The following JAZF1 variants were observed in gnomAD, a reference collection of about 807,000 sequenced individuals.
JAZF1 encodes juxtaposed with another zinc finger protein 1.
JAZF1 carries 8 observed loss-of-function variants against 26.4 expected under a neutral mutation model. That is an observed-to-expected ratio of 0.30 (90% confidence interval 0.18 to 0.55). The LOEUF (loss-of-function observed/expected upper bound fraction) is 0.55, where lower values mean the gene tolerates loss of function less well. JAZF1 is among the 20% of genes least tolerant of loss of function. The probability of loss-of-function intolerance (pLI) is 0.94; values close to 1 mark genes in which losing one functional copy is unlikely to be tolerated. For missense variants in JAZF1, 199 were observed against 322.0 expected, an observed-to-expected ratio of 0.62 and a Z score of 2.92; for synonymous variants, 126 against 122.3, an observed-to-expected ratio of 1.03 and a Z score of -0.20.
chr7:28,121,049 T>C lies in JAZF1; in HGVS notation c.115+59414A>G, dbSNP rs540440732. ...ACCCCATCTCCACTAAAAATACAAA[T>C]ATTAGCCAAGCATGGTGGCACATGC... On this transcript the variant is annotated intron_variant, in intron 1 of 4. Coordinates refer to ENST00000283928, the MANE Select transcript of JAZF1 (RefSeq NM_175061.4). 2.0e-5 allele frequency among the ~76,000 whole-genome samples: 3 copies of C among 151,768 alleles called. No homozygotes were observed. The East Asian group carries it at 5.8e-4, about 29-fold the overall frequency.
chr7:28,035,077 G>C (rs1313139280), intron 1 of JAZF1, among the ~76,000 whole-genome samples: 2 of 152,104 alleles, frequency 1.3e-5, no homozygotes, highest in South Asian at 4.2e-4. Flanking sequence ...AGCACTTTGG[G>C]AGTCCGAGGC....
intron 1 of JAZF1, among the ~76,000 whole-genome samples, chr7:28,018,769 G>A (rs1461446394): frequency 2.0e-5 from 3 of 152,182 alleles, no homozygotes; most frequent in Non-Finnish European, 4.4e-5. Context: ...CTGTGTTCTG[G>A]TGGTTTTTTT....
chr7:27,973,810 T>C (rs764730207), intron 2 of JAZF1, among the ~76,000 whole-genome samples: 1 of 152,190 alleles, frequency 6.6e-6, no homozygotes, highest in Non-Finnish European at 1.5e-5. Context: ...AACAGACTGA[T>C]GCTTTCTACA....
At chr7:28,137,489 A>G (rs1562599627) in intron 1 of JAZF1, among the ~76,000 whole-genome samples, 1 of 152,162 alleles carries the variant, frequency 6.6e-6, no homozygotes, top group Non-Finnish European at 1.5e-5. Context: ...TCCATAGCAA[A>G]TCAGAATGCC....
chr7:28,096,834 A>G (rs1413110017), intron 1 of JAZF1, among the ~76,000 whole-genome samples: 3 of 152,192 alleles, frequency 2.0e-5, no homozygotes, highest in Non-Finnish European at 4.4e-5. Flanking sequence ...CTCTGCTGGT[A>G]TACTGACCAC....
At chr7:28,116,212 T>C (rs1016663268) in intron 1 of JAZF1, among the ~76,000 whole-genome samples, 3 of 152,174 alleles carry the variant, frequency 2.0e-5, no homozygotes, top group Admixed American at 6.5e-5. Context: ...GTAATCTCGA[T>C]AGATGAAAAC....
Position 28,020,718 on chromosome 7 carries a change from C to G in JAZF1, c.116-28737G>C, listed in dbSNP as rs1284405831. 7 of 470,946 alleles carry G rather than the reference C, an allele frequency of 1.5e-5. No homozygotes were observed. In the Admixed American group the frequency reaches 1.6e-4, roughly 11 times the overall value. 29.2% of individuals were successfully genotyped at this position (470,946 alleles called of 1,614,324 possible). On this transcript the variant is annotated intron_variant, in intron 1 of 4. Transcript: ENST00000283928. The stretch of plus-strand genomic sequence containing the variant: ...GATGAATGTGACACTGGCATTTGTC[C>G]CTCCCAACTGCATCCATGCTAGTGG...
At position 27,861,588 on chromosome 7, in the gene JAZF1, AAGG is replaced by A. The variant is rs1443664798; in HGVS notation, c.386-20724_386-20722del. The stretch of plus-strand genomic sequence containing the variant: ...ATGCACAAAGCTTTCTTCTCTCTGT[AAGG>A]AGAAGGTTGTTGTTTTTATTTTCTC... On this transcript the variant is annotated intron_variant, in intron 3 of 4. Transcript: ENST00000283928. Among the ~76,000 whole-genome samples, 17 of 97,452 alleles carry A rather than the reference AAGG, an allele frequency of 1.7e-4. No homozygotes were observed. The East Asian group carries it at 2.2e-3, about 12-fold the overall frequency. 63.9% of individuals were successfully genotyped at this position (97,452 alleles called of 152,430 possible).
At chr7:27,932,557 A>T (rs770868213) in intron 2 of JAZF1, among the ~76,000 whole-genome samples, 1 of 152,256 alleles carries the variant, frequency 6.6e-6, no homozygotes, top group Non-Finnish European at 1.5e-5. Flanking sequence ...ACTTTTAAAA[A>T]GAAAGATTTT....
chr7:27,839,078 A>G (rs781545505), intron 4 of JAZF1, among the ~76,000 whole-genome samples: 1 of 152,220 alleles, frequency 6.6e-6, no homozygotes, highest in Non-Finnish European at 1.5e-5. Context: ...GGAGGAAAGG[A>G]TGCGAGTAAG....
At position 28,031,383 on chromosome 7, in the gene JAZF1, A is replaced by T. The variant is rs1048241859; in HGVS notation, c.116-39402T>A. On this transcript the variant is annotated intron_variant, in intron 1 of 4. Coordinates refer to ENST00000283928, the MANE Select transcript of JAZF1 (RefSeq NM_175061.4). ...TGATGGTGGGGGATGACAGATGTTG[A>T]GTGGACGATGGGGAGAAGAGAAAGT... Among the ~76,000 whole-genome samples, 4 of 152,110 alleles carry T rather than the reference A, an allele frequency of 2.6e-5. No homozygotes were observed. The East Asian group carries it at 7.7e-4, about 29-fold the overall frequency.
intron 3 of JAZF1, among the ~76,000 whole-genome samples, chr7:27,856,417 G>T (rs961339638): frequency 2.0e-5 from 3 of 152,170 alleles, no homozygotes; most frequent in Non-Finnish European, 4.4e-5. Flanking sequence ...TGCAAAGAGC[G>T]AAAGAACAAA....
At chr7:27,843,926 G>A (rs952421782) in intron 3 of JAZF1, 2 of 152,246 alleles carry the variant, frequency 1.3e-5, no homozygotes, top group African/African-American at 2.4e-5. Context: ...TGCTATGTGA[G>A]CTGTTTATCT....
intron 2 of JAZF1, among the ~76,000 whole-genome samples, chr7:27,933,914 G>C (rs1043668561): frequency 6.6e-6 from 1 of 152,180 alleles, no homozygotes; most frequent in African/African-American, 2.4e-5. Context: ...GCACAGGAAA[G>C]ATAATCCAGG....
chr7:28,108,326 A>G (rs531775388), intron 1 of JAZF1, among the ~76,000 whole-genome samples: 1 of 152,094 alleles, frequency 6.6e-6, no homozygotes, highest in Non-Finnish European at 1.5e-5. Flanking sequence ...TTCAGTCCCC[A>G]AGGTCACTGG....
At chr7:27,894,219 G>T (rs989771107) in intron 3 of JAZF1, among the ~76,000 whole-genome samples, 1 of 152,118 alleles carries the variant, frequency 6.6e-6, no homozygotes, top group African/African-American at 2.4e-5. Flanking sequence ...CACTTGTGAG[G>T]CATTCAAAAT....
chr7:27,832,774 T>A lies in JAZF1; in HGVS notation c.*26A>T. On this transcript the variant is annotated 3_prime_UTR_variant, in exon 5 of 5. Transcript: ENST00000283928. Reference sequence around the variant, plus strand: ...AAAATCAGCAACTGCTGGTGAGGATTTCTTGGCACAGTTATGACCAGCATG... The same window carrying A: ...AAAATCAGCAACTGCTGGTGAGGATATCTTGGCACAGTTATGACCAGCATG... 1.4e-6 allele frequency: 2 copies of A among 1,449,612 alleles called. No homozygotes were observed. Among genetic ancestry groups the A allele is most frequent in the Non-Finnish European group, 1.8e-6 (2 of 1,090,630 alleles). The allele number at this position is 1,449,612 out of a possible 1,614,324, so 89.8% of individuals were successfully genotyped here. A position where few individuals can be genotyped will look rare whatever the true frequency, so the allele number is the denominator to read the frequency against.
chr7:27,861,821 C>T (rs1463505420), intron 3 of JAZF1, among the ~76,000 whole-genome samples: 5 of 152,210 alleles, frequency 3.3e-5, no homozygotes, highest in Non-Finnish European at 7.3e-5. Context: ...CACAGTGAAC[C>T]TGGAGGGGGA....
At chr7:28,015,233 AT>A (rs1782868404) in intron 1 of JAZF1, among the ~76,000 whole-genome samples, 2 of 152,266 alleles carry the variant, frequency 1.3e-5, no homozygotes, top group Middle Eastern at 6.8e-3. Flanking sequence ...GTATCATTCC[AT>A]TTTAAACATT....
Sources: allele counts gnomAD v4.1 joint callset (sites outside exome capture counted in the v4.1 genomes callset), GRCh38; gene constraint gnomAD v4.1.1; transcripts MANE v1.5; gene names NCBI Gene and HGNC (gene_info 2026-07-23, HGNC 2026-07-21).